Variants in RTN4 observed in about 807,000 individuals in gnomAD.
RTN4 encodes the protein reticulon 4.
In RTN4, 32 loss-of-function variants were observed where a neutral mutation model predicts 90.4. The ratio of observed to expected loss-of-function variants is 0.35; its 90% CI spans 0.27 to 0.48. The LOEUF (loss-of-function observed/expected upper bound fraction) is 0.48. Ranked by LOEUF, RTN4 falls within the 20% of genes least tolerant of loss-of-function variation. The pLI, the probability that RTN4 is intolerant of heterozygous loss-of-function variation, is 0.99. For synonymous variants in RTN4, 629 were observed against 552.5 expected, an observed-to-expected ratio of 1.14 and a Z score of -1.94; for missense variants, 1,706 against 1,430.2, an observed-to-expected ratio of 1.19 and a Z score of -3.11.
chr2:55,092,321 C>T (rs956995122), intron 1 of RTN4, among the ~76,000 whole-genome samples: 2 of 151,620 alleles, frequency 1.3e-5, no homozygotes, highest in South Asian at 2.1e-4. Flanking sequence ...CCGTAACCTC[C>T]ACCTCCTGGG....
chr2:55,070,217 T>C (rs2920879), intron 2 of RTN4, among the ~76,000 whole-genome samples: 83,616 of 151,656 alleles, frequency 0.55, 24,268 homozygotes, highest in East Asian at 0.85. Flanking sequence ...ACTCACTAGA[T>C]GCCAGTAATA....
At chr2:55,048,518 G>A (rs1453624577) in intron 1 of RTN4, among the ~76,000 whole-genome samples, 1 of 147,262 alleles carries the variant, frequency 6.8e-6, no homozygotes, top group African/African-American at 2.5e-5. Context: ...TTTAACTTTT[G>A]TTAAAAACTA....
At chr2:55,132,359 C>T in the RTN4 span, among the ~76,000 whole-genome samples, 7 of 151,948 alleles carry the variant, frequency 4.6e-5, no homozygotes, top group South Asian at 6.2e-4. Context: ...AAAAATTAGC[C>T]GGGTGTGATG....
intron 1 of RTN4, among the ~76,000 whole-genome samples, chr2:55,098,643 A>G (rs1667795587): frequency 6.6e-6 from 1 of 152,152 alleles, no homozygotes; most frequent in Admixed American, 6.6e-5. Flanking sequence ...CAAATGACCA[A>G]TTTTCTCATA....
intron 1 of RTN4, among the ~76,000 whole-genome samples, chr2:55,096,039 G>T (rs534824816): frequency 6.6e-6 from 1 of 152,236 alleles, no homozygotes; most frequent in East Asian, 1.9e-4. Flanking sequence ...ATATAAGAGC[G>T]CATGCTGGGC....
chr2:55,112,169 A>G (rs560726140), intron 1 of RTN4, among the ~76,000 whole-genome samples: 11 of 152,310 alleles, frequency 7.2e-5, no homozygotes, highest in African/African-American at 2.4e-4. Context: ...CTACCTTCCC[A>G]GCTCACCTGC....
chr2:55,088,009 C>A (rs188964415), intron 1 of RTN4, among the ~76,000 whole-genome samples: 28 of 152,288 alleles, frequency 1.8e-4, no homozygotes, highest in African/African-American at 6.3e-4. Context: ...GGTTGTGGAA[C>A]CTTAGTGTTC....
chr2:55,066,765 G>A (rs1448110766), intron 2 of RTN4, among the ~76,000 whole-genome samples: 5 of 151,894 alleles, frequency 3.3e-5, no homozygotes, highest in African/African-American at 1.2e-4. Flanking sequence ...AATCTTTTCT[G>A]CGTTTGTAAA....
intron 3 of RTN4, among the ~76,000 whole-genome samples, chr2:55,002,030 T>TA (rs1679884608): frequency 1.3e-5 from 2 of 152,078 alleles, no homozygotes; most frequent in Admixed American, 1.3e-4. Context: ...TGTGCCAAGA[T>TA]AAAGTCAATC....
intron 1 of RTN4, among the ~76,000 whole-genome samples, chr2:55,108,920 C>A (rs923451162): frequency 1.3e-5 from 2 of 152,044 alleles, no homozygotes; most frequent in African/African-American, 4.8e-5. Context: ...CTAAACACAT[C>A]CCTAAGGAAA....
At chr2:55,005,418 C>G (rs948616261) in intron 3 of RTN4, among the ~76,000 whole-genome samples, 1 of 152,198 alleles carries the variant, frequency 6.6e-6, no homozygotes, top group Admixed American at 6.6e-5. Flanking sequence ...TTAACACTGA[C>G]GAAATAGCTA....
At chr2:55,039,996 G>A (rs907730016) in intron 1 of RTN4, among the ~76,000 whole-genome samples, 7 of 152,260 alleles carry the variant, frequency 4.6e-5, no homozygotes, top group African/African-American at 1.7e-4. Context: ...TTTGGTTGAT[G>A]AGAGAGGGTA....
chr2:54,977,674 G>A (rs1281496977), intron 5 of RTN4, among the ~76,000 whole-genome samples: 1 of 152,092 alleles, frequency 6.6e-6, no homozygotes, highest in Admixed American at 6.5e-5. Flanking sequence ...CGGGTGGGAA[G>A]CGAGGGGAGG....
At chr2:55,071,408 G>A (rs1668510128) in intron 2 of RTN4, among the ~76,000 whole-genome samples, 1 of 152,028 alleles carries the variant, frequency 6.6e-6, no homozygotes, top group African/African-American at 2.4e-5. Context: ...AATGTAACCA[G>A]ACATAACTAA....
intron 1 of RTN4, among the ~76,000 whole-genome samples, chr2:55,040,726 C>T (rs1573455551): frequency 6.6e-6 from 1 of 151,930 alleles, no homozygotes; most frequent in East Asian, 1.9e-4. Context: ...CATCTGCTAC[C>T]TATACCTCTC....
intron 1 of RTN4, among the ~76,000 whole-genome samples, chr2:55,046,123 C>T (rs917264140): frequency 2.0e-5 from 3 of 152,204 alleles, no homozygotes; most frequent in Admixed American, 6.5e-5. Flanking sequence ...AGACAAGTGT[C>T]AGTGATCTAG....
chr2:55,078,777 G>C (rs141952240), intron 2 of RTN4, among the ~76,000 whole-genome samples: 1 of 152,144 alleles, frequency 6.6e-6, no homozygotes, highest in African/African-American at 2.4e-5. Flanking sequence ...ATGGAAAGAC[G>C]GAGAATGTGA....
chr2:55,004,546 T>C (rs1402186686), intron 3 of RTN4, among the ~76,000 whole-genome samples: 2 of 152,174 alleles, frequency 1.3e-5, no homozygotes, highest in Admixed American at 6.5e-5. Context: ...AGTTGCTGAA[T>C]TGTTCCTTTA....
chr2:55,016,284 T>A (rs1270574970), intron 3 of RTN4, among the ~76,000 whole-genome samples: 1 of 152,166 alleles, frequency 6.6e-6, no homozygotes, highest in East Asian at 1.9e-4. Flanking sequence ...ATTACATTCT[T>A]AAAAATACAC....
Sources: gnomAD v4.1 joint callset for allele counts (sites outside exome capture counted in the v4.1 genomes callset) on GRCh38, gnomAD v4.1.1 for gene constraint, MANE v1.5 for transcripts, NCBI Gene and HGNC (gene_info 2026-07-23, HGNC 2026-07-21) for gene names.